SDK1: variants seen among roughly 807,000 people sequenced by gnomAD.
The protein encoded by SDK1 is sidekick cell adhesion molecule 1.
In SDK1, 157 loss-of-function variants were observed where a neutral mutation model predicts 245.5. The observed-to-expected ratio is 0.64, with a 90% CI of 0.56 to 0.73. The LOEUF (loss-of-function observed/expected upper bound fraction) is 0.73. Ranked by LOEUF, SDK1 falls within the 30% of genes least tolerant of loss-of-function variation. SDK1 has a pLI of 0.00. For missense variants in SDK1, 3,583 were observed against 3,002.3 expected (o/e 1.19, Z -4.52); for synonymous variants, 1,647 against 1,278.5 (o/e 1.29, Z -6.15).
chr7:3,948,352 G>T (rs1780660925), intron 5 of SDK1, among the ~76,000 whole-genome samples: 1 of 147,882 alleles, frequency 6.8e-6, no homozygotes, highest in Non-Finnish European at 1.5e-5. Flanking sequence ...CCACCTCTCG[G>T]GTTCCAGCGA....
intron 4 of SDK1, among the ~76,000 whole-genome samples, chr7:3,730,247 C>G (rs1025391882): frequency 6.6e-6 from 1 of 152,072 alleles, no homozygotes; most frequent in Non-Finnish European, 1.5e-5. Context: ...CATACAGTGC[C>G]CACTTATTAA....
chr7:3,342,999 G>T (rs1780388566), intron 1 of SDK1, among the ~76,000 whole-genome samples: 1 of 63,478 alleles, frequency 1.6e-5, no homozygotes, highest in African/African-American at 5.1e-5. Flanking sequence ...CTGCTAAATG[G>T]CTGAAAAAAA....
intron 4 of SDK1, among the ~76,000 whole-genome samples, chr7:3,780,356 A>G (rs1019211423): frequency 3.3e-5 from 5 of 152,212 alleles, no homozygotes; most frequent in Non-Finnish European, 7.3e-5. Context: ...ACACTAGGAG[A>G]AACAGCATGG....
chr7:3,341,529 C>T (rs1409442002), intron 1 of SDK1, among the ~76,000 whole-genome samples: 2 of 152,012 alleles, frequency 1.3e-5, no homozygotes, highest in Non-Finnish European at 2.9e-5. Context: ...CAAAACAGTC[C>T]CAGTTTACGG....
intron 1 of SDK1, among the ~76,000 whole-genome samples, chr7:3,507,514 C>G (rs1278308552): frequency 6.6e-6 from 1 of 152,190 alleles, no homozygotes; most frequent in Non-Finnish European, 1.5e-5. Context: ...TGGTTGTTGA[C>G]TGCAGGAAGG....
At chr7:3,831,764 A>C (rs1337803561) in intron 5 of SDK1, among the ~76,000 whole-genome samples, 1 of 152,138 alleles carries the variant, frequency 6.6e-6, no homozygotes, top group Non-Finnish European at 1.5e-5. Flanking sequence ...ATTAAAAAAA[A>C]AATTAATCAC....
intron 1 of SDK1, among the ~76,000 whole-genome samples, chr7:3,363,154 C>A (rs568268046): frequency 6.6e-6 from 1 of 152,190 alleles, no homozygotes. Flanking sequence ...TTCCACACTG[C>A]TCGGCAACCA....
In SDK1 at chr7:4,001,897, G is replaced by C. The variant is rs563798540; in HGVS notation, c.2132-9069G>C. On this transcript the variant is annotated intron_variant, in intron 14 of 44. Coordinates refer to ENST00000404826, the MANE Select transcript of SDK1 (RefSeq NM_152744.4). The stretch of plus-strand genomic sequence containing the variant: ...TCTTCTCTTCCAGGGTTGCCACCAC[G>C]AACAGGTCTCTCTCACAATGTTCTT... Among the ~76,000 whole-genome samples the C allele has an allele frequency of 3.3e-5, 5 of 152,302 alleles. No homozygotes were observed. The East Asian group carries it at 9.6e-4, about 29-fold the overall frequency.
rs115101141 is a variant in SDK1, at chr7:3,879,764, A to T, written c.847+58181A>T. On this transcript the variant is annotated intron_variant, in intron 5 of 44. Transcript: ENST00000404826. ...TGCCTGAAGTACTTCCCCTGCTTGTAGAGAAGTTATAGCCTGGGCTGTAGT... is the reference window on the plus strand; with the variant it reads ...TGCCTGAAGTACTTCCCCTGCTTGTTGAGAAGTTATAGCCTGGGCTGTAGT... 1.1e-3 allele frequency among the ~76,000 whole-genome samples: 167 copies of T among 152,246 alleles called. 1 individual carries two copies. Among genetic ancestry groups the T allele is most frequent in the African/African-American group, 3.9e-3 (163 of 41,532 alleles).
chr7:3,996,132 A>C (rs982163558), intron 14 of SDK1, among the ~76,000 whole-genome samples: 1 of 151,976 alleles, frequency 6.6e-6, no homozygotes, highest in Non-Finnish European at 1.5e-5. Context: ...CAAATGATCC[A>C]TTTTCCCAAC....
intron 1 of SDK1, among the ~76,000 whole-genome samples, chr7:3,596,863 A>G (rs1781084706): frequency 6.6e-6 from 1 of 152,200 alleles, no homozygotes; most frequent in African/African-American, 2.4e-5. Flanking sequence ...GCACCATAAA[A>G]GATAGAAGTG....
At chr7:4,189,792 AAAAT>A (rs1783088129) in intron 35 of SDK1, among the ~76,000 whole-genome samples, 1 of 152,260 alleles carries the variant, frequency 6.6e-6, no homozygotes, top group African/African-American at 2.4e-5. Flanking sequence ...TCCGTCTCAA[AAAAT>A]AAATAAAATA....
At chr7:4,076,324 C>T (rs914880148) in intron 20 of SDK1, among the ~76,000 whole-genome samples, 2 of 152,104 alleles carry the variant, frequency 1.3e-5, no homozygotes, top group Non-Finnish European at 2.9e-5. Context: ...GAGGCCGAGG[C>T]GGGAGGATCT....
intron 25 of SDK1, among the ~76,000 whole-genome samples, chr7:4,125,493 G>GGATA (rs1323433974): frequency 6.6e-6 from 1 of 151,454 alleles, no homozygotes; most frequent in Non-Finnish European, 1.5e-5. Context: ...ATTGATTGAT[G>GGATA]GATGGATGGA....
chr7:4,140,574 G>GC (rs1052653731), intron 28 of SDK1, among the ~76,000 whole-genome samples: 12 of 152,116 alleles, frequency 7.9e-5, no homozygotes, highest in Non-Finnish European at 1.0e-4. Context: ...ACTGCAGCAG[G>GC]GGGGAGCTGA....
intron 1 of SDK1, among the ~76,000 whole-genome samples, chr7:3,493,255 A>G (rs1478116338): frequency 1.3e-5 from 2 of 152,142 alleles, no homozygotes; most frequent in South Asian, 2.1e-4. Context: ...CTGGCTGAAG[A>G]GAAGATTTAG....
intron 1 of SDK1, among the ~76,000 whole-genome samples, chr7:3,605,209 TG>T (rs1468577859): frequency 6.6e-6 from 1 of 151,978 alleles, no homozygotes; most frequent in East Asian, 1.9e-4. Context: ...TTCCACCTTG[TG>T]GTTTTGGCAT....
chr7:3,984,845 A>G (rs1219968950), intron 13 of SDK1, among the ~76,000 whole-genome samples: 3 of 152,208 alleles, frequency 2.0e-5, no homozygotes, highest in African/African-American at 7.2e-5. Flanking sequence ...AATGTCAAAA[A>G]GACATCCCAG....
At chr7:4,180,709 G>A (rs546129619) in intron 35 of SDK1, among the ~76,000 whole-genome samples, 14 of 152,350 alleles carry the variant, frequency 9.2e-5, no homozygotes, top group African/African-American at 3.1e-4. Flanking sequence ...GGCGGCCTCA[G>A]GAAGCTTCCA....
Sources: allele counts gnomAD v4.1 joint callset (sites outside exome capture counted in the v4.1 genomes callset), GRCh38; gene constraint gnomAD v4.1.1; transcripts MANE v1.5; gene names NCBI Gene and HGNC (gene_info 2026-07-23, HGNC 2026-07-21).